The following KCNJ6 variants were observed in gnomAD, a reference collection of about 807,000 sequenced individuals.
KCNJ6 encodes the protein G protein-activated inward rectifier potassium channel 2.
KCNJ6 carries 9 observed loss-of-function variants against 34.2 expected under a neutral mutation model. The ratio of observed to expected loss-of-function variants is 0.26; its 90% CI spans 0.16 to 0.46. The LOEUF is 0.46. Ranked by LOEUF, KCNJ6 falls within the 20% of genes least tolerant of loss-of-function variation. KCNJ6 has a pLI of 1.00. For missense variants in KCNJ6, 236 were observed against 531.3 expected, an observed-to-expected ratio of 0.44 and a Z score of 5.46; for synonymous variants, 196 against 207.1, an observed-to-expected ratio of 0.95 and a Z score of 0.46.
chr21:37,883,984 G>A (rs1036137561), intron 1 of KCNJ6, among the ~76,000 whole-genome samples: 3 of 152,158 alleles, frequency 2.0e-5, no homozygotes, highest in Non-Finnish European at 4.4e-5. Context: ...ATGAATGCTC[G>A]TCCACTCACC....
At chr21:37,860,404 C>T (rs948219821) in intron 1 of KCNJ6, among the ~76,000 whole-genome samples, 20 of 152,184 alleles carry the variant, frequency 1.3e-4, no homozygotes, top group African/African-American at 2.4e-4. Context: ...GCCTGGTCTA[C>T]GCCAGGCAGG....
intron 1 of KCNJ6, among the ~76,000 whole-genome samples, chr21:37,850,024 T>C (rs2055529473): frequency 6.6e-6 from 1 of 152,236 alleles, no homozygotes; most frequent in Non-Finnish European, 1.5e-5. Flanking sequence ...CAGTCATTTG[T>C]TCAGAATTTT....
At chr21:37,655,221 GTGTGAGAGA>G (rs2054455891) in intron 3 of KCNJ6, among the ~76,000 whole-genome samples, 1 of 18,876 alleles carries the variant, frequency 5.3e-5, no homozygotes, top group African/African-American at 8.1e-5. Flanking sequence ...GTGTGTGTGT[GTGTGAGAGA>G]GAGAGAGAGA....
In KCNJ6 at chr21:37,618,106, C is replaced by T. The variant is rs1356286286; in HGVS notation, c.*7053G>A. On this transcript the variant is annotated 3_prime_UTR_variant, in exon 4 of 4. Transcript: ENST00000609713. ...TATTTCTCATACCCATGCCCACAGT[C>T]AGCAATGCTGAGAGATGATGTCAGG... 1 of 152,264 alleles carries T rather than the reference C, an allele frequency of 6.6e-6. No individual in the cohort carries two copies. Among genetic ancestry groups the T allele is most frequent in the African/African-American group, 2.4e-5 (1 of 41,476 alleles). 9.4% of individuals were successfully genotyped at this position (152,264 alleles called of 1,614,324 possible).
At position 37,902,231 on chromosome 21, in the gene KCNJ6, G is replaced by A. The variant is rs188777670; in HGVS notation, c.-28+13653C>T. Among the ~76,000 whole-genome samples the A allele has an allele frequency of 4.5e-3, 688 of 152,376 alleles. 3 individuals carry two copies. The highest frequency in any genetic ancestry group is 7.7e-3 in the Non-Finnish European group (527 of 68,040). On this transcript the variant is annotated intron_variant, in intron 1 of 3. Coordinates refer to ENST00000609713, the MANE Select transcript of KCNJ6 (RefSeq NM_002240.5). ...TTCAATTTTTATATGGCTTAGAGAA[G>A]TGAATGTTACTTCCCTTGTCCCATC...
intron 3 of KCNJ6, among the ~76,000 whole-genome samples, chr21:37,676,993 T>C (rs2054567676): frequency 6.6e-6 from 1 of 152,250 alleles, no homozygotes; most frequent in Non-Finnish European, 1.5e-5. Flanking sequence ...ACTACAGTGC[T>C]GGTCCCAGTT....
At chr21:37,664,757 C>T (rs1444895713) in intron 3 of KCNJ6, among the ~76,000 whole-genome samples, 1 of 149,386 alleles carries the variant, frequency 6.7e-6, no homozygotes, top group African/African-American at 2.5e-5. Flanking sequence ...TAGATAATTC[C>T]AACGTTATGG....
At chr21:37,723,919 C>CTGAT (rs200489744) in intron 2 of KCNJ6, among the ~76,000 whole-genome samples, 1,799 of 151,258 alleles carry the variant, frequency 0.012, 15 homozygotes, top group Non-Finnish European at 0.019. Flanking sequence ...TACAAATTGA[C>CTGAT]TGATAGAAAA....
chr21:37,656,003 G>A (rs1386215755), intron 3 of KCNJ6, among the ~76,000 whole-genome samples: 3 of 152,206 alleles, frequency 2.0e-5, no homozygotes, highest in South Asian at 2.1e-4. Context: ...GCCCATGGGG[G>A]GGCCTTCCTG....
Position 37,714,326 on chromosome 21 carries a change from C to G in KCNJ6, c.831G>C (p.Leu277=). 6.2e-7 allele frequency: 1 copy of G among 1,614,068 alleles called. No homozygotes were observed. The highest frequency in any genetic ancestry group is 8.5e-7 in the Non-Finnish European group (1 of 1,179,966). ...GTTGGTTAATTTCATGGCTAATGAT[C>G]AGCGGTGACACCAGAAACAGACGGT... ...GDDRLFLVSP[L]IISHEINQQS... The change falls in exon 3 of 4, where the codon CTG becomes CTC. Residue 277 remains leucine (L), a synonymous_variant. Coordinates refer to ENST00000609713, the MANE Select transcript of KCNJ6 (RefSeq NM_002240.5). This position sits in a 1 kb window ranked among gnomAD's most constrained non-coding sequence, Gnocchi z 5.9.
chr21:37,735,179 A>G (rs1195393058), intron 2 of KCNJ6, among the ~76,000 whole-genome samples: 1 of 152,136 alleles, frequency 6.6e-6, no homozygotes, highest in Non-Finnish European at 1.5e-5. Context: ...CAAAAAGGAG[A>G]GTGACATATT....
intron 1 of KCNJ6, among the ~76,000 whole-genome samples, chr21:37,913,610 G>A (rs1417133561): frequency 1.3e-5 from 2 of 152,180 alleles, no homozygotes; most frequent in African/African-American, 4.8e-5. Flanking sequence ...ACAACGTCAT[G>A]AGTTCGAGAC....
In KCNJ6 at chr21:37,837,198, A is replaced by AT. The variant is rs952666950; in HGVS notation, c.25+3459dup. On this transcript the variant is annotated intron_variant, in intron 2 of 3. Transcript: ENST00000609713. ...CACATCTACTTTTCTTCCCTTCTCCATTTTTTTTCTTATCCTTATCATGCC... is the reference window on the plus strand; with the variant it reads ...CACATCTACTTTTCTTCCCTTCTCCATTTTTTTTTCTTATCCTTATCATGCC... 8.0e-5 allele frequency among the ~76,000 whole-genome samples: 12 copies of AT among 149,336 alleles called. No homozygotes were observed. The South Asian group carries it at 1.5e-3, about 19-fold the overall frequency.
chr21:37,725,481 A>G (rs573533726), intron 2 of KCNJ6, among the ~76,000 whole-genome samples: 1 of 152,340 alleles, frequency 6.6e-6, no homozygotes, highest in East Asian at 1.9e-4. Context: ...TTACCCTAAG[A>G]TTCGCAAAAT....
intron 1 of KCNJ6, among the ~76,000 whole-genome samples, chr21:37,887,025 GA>G (rs2055739356): frequency 6.7e-6 from 1 of 149,442 alleles, no homozygotes; most frequent in African/African-American, 2.5e-5. Flanking sequence ...CTCCCAGGAA[GA>G]AAGCCCTTCC....
intron 2 of KCNJ6, among the ~76,000 whole-genome samples, chr21:37,756,873 C>T (rs2055030780): frequency 6.9e-6 from 1 of 145,896 alleles, no homozygotes; most frequent in South Asian, 2.2e-4. Flanking sequence ...TGTGATGATT[C>T]CAGCCCGGAG....
chr21:37,737,170 G>A (rs2123473031), intron 2 of KCNJ6, among the ~76,000 whole-genome samples: 1 of 152,254 alleles, frequency 6.6e-6, no homozygotes, highest in African/African-American at 2.4e-5. Context: ...AGTGCCCGAT[G>A]GCAAGAGAAG....
intron 3 of KCNJ6, among the ~76,000 whole-genome samples, chr21:37,691,942 A>T (rs1322433621): frequency 6.6e-6 from 1 of 152,224 alleles, no homozygotes; most frequent in Admixed American, 6.5e-5. Flanking sequence ...TAATTAAAAA[A>T]AAGGTTTCTC....
In KCNJ6 at chr21:37,619,930, A is replaced by G. The variant is rs1453708723; in HGVS notation, c.*5229T>C. On this transcript the variant is annotated 3_prime_UTR_variant, in exon 4 of 4. Coordinates refer to ENST00000609713, the MANE Select transcript of KCNJ6 (RefSeq NM_002240.5). ...TGGCTGGCTGTTGACTCTATTTGCC[A>G]CTCTGGAGGAATGGCATGAAAAGGA... 1 of 151,948 alleles carries G rather than the reference A, an allele frequency of 6.6e-6. No individual in the cohort carries two copies. The highest frequency in any genetic ancestry group is 1.5e-5 in the Non-Finnish European group (1 of 67,986). 9.4% of individuals were successfully genotyped at this position (151,948 alleles called of 1,614,324 possible). A position where few individuals can be genotyped will look rare whatever the true frequency, so the allele number is the denominator to read the frequency against.
Sources: allele counts gnomAD v4.1 joint callset (sites outside exome capture counted in the v4.1 genomes callset), GRCh38; gene constraint gnomAD v4.1.1; non-coding constraint Gnocchi (gnomAD v3.1); transcripts MANE v1.5; gene names NCBI Gene and HGNC (gene_info 2026-07-23, HGNC 2026-07-21).